Variants in GRIN2A observed in about 807,000 individuals in gnomAD.
GRIN2A encodes the protein glutamate receptor ionotropic, NMDA 2A.
In GRIN2A, 22 loss-of-function variants were observed where a neutral mutation model predicts 113.4. The observed-to-expected ratio is 0.19, with a 90% CI of 0.14 to 0.28. GRIN2A has a LOEUF of 0.28. Among genes scored for constraint, GRIN2A ranks in the 10% least tolerant of loss-of-function variants. The pLI, the probability that GRIN2A is intolerant of heterozygous loss-of-function variation, is 1.00. For missense variants in GRIN2A, 1,502 were observed against 1,887.0 expected (o/e 0.80, Z 3.78); for synonymous variants, 827 against 738.4 (o/e 1.12, Z -1.94).
At chr16:9,966,056 C>G (rs1021327547) in intron 2 of GRIN2A, among the ~76,000 whole-genome samples, 1 of 152,176 alleles carries the variant, frequency 6.6e-6, no homozygotes, top group Non-Finnish European at 1.5e-5. Flanking sequence ...TCCCAAGGTT[C>G]GAGAATCCTT....
At chr16:9,927,759 G>C (rs1333699919) in intron 3 of GRIN2A, among the ~76,000 whole-genome samples, 2 of 152,150 alleles carry the variant, frequency 1.3e-5, no homozygotes, top group Admixed American at 1.3e-4. Context: ...GAAACTTGAA[G>C]TTTCCCCACT....
intron 2 of GRIN2A, among the ~76,000 whole-genome samples, chr16:10,048,881 C>G (rs2047306584): frequency 6.6e-6 from 1 of 152,152 alleles, no homozygotes; most frequent in African/African-American, 2.4e-5. Flanking sequence ...GGGATCAGTG[C>G]AAGCTCCAGG....
intron 2 of GRIN2A, among the ~76,000 whole-genome samples, chr16:10,109,195 T>C (rs571253040): frequency 2.6e-5 from 4 of 152,106 alleles, no homozygotes; most frequent in Admixed American, 6.5e-5. Flanking sequence ...CCTGGAAAGA[T>C]ACAAATTACC....
intron 2 of GRIN2A, among the ~76,000 whole-genome samples, chr16:9,987,777 C>T (rs1287397485): frequency 6.6e-6 from 1 of 152,156 alleles, no homozygotes; most frequent in Non-Finnish European, 1.5e-5. Context: ...GAACTCAGAT[C>T]TGAACCAGGT....
intron 2 of GRIN2A, among the ~76,000 whole-genome samples, chr16:10,178,561 C>A (rs1187457338): frequency 4.6e-5 from 7 of 152,234 alleles, no homozygotes; most frequent in Non-Finnish European, 8.8e-5. Flanking sequence ...TCTTCCCAGA[C>A]AGGAGCCCCC....
chr16:9,908,444 T>A (rs999187832), intron 3 of GRIN2A, among the ~76,000 whole-genome samples: 4 of 152,120 alleles, frequency 2.6e-5, no homozygotes, highest in African/African-American at 9.7e-5. Context: ...TTCTTCCAGT[T>A]TTTTTTCCCA....
intron 4 of GRIN2A, among the ~76,000 whole-genome samples, chr16:9,855,101 C>T (rs960841150): frequency 6.6e-6 from 1 of 151,868 alleles, no homozygotes. Context: ...GCTACAGAAC[C>T]CCTCTCTTCT....
At chr16:10,129,106 C>T (rs572316518) in intron 2 of GRIN2A, among the ~76,000 whole-genome samples, 4 of 152,150 alleles carry the variant, frequency 2.6e-5, no homozygotes, top group Admixed American at 2.0e-4. Context: ...AACAGGGTCT[C>T]GCTCTGTTGC....
At chr16:9,995,237 A>T (rs751947384) in intron 2 of GRIN2A, among the ~76,000 whole-genome samples, 4 of 152,232 alleles carry the variant, frequency 2.6e-5, no homozygotes, top group Non-Finnish European at 4.4e-5. Flanking sequence ...GGTTTGGAAA[A>T]GGGAAGAGGG....
intron 2 of GRIN2A, among the ~76,000 whole-genome samples, chr16:10,011,098 C>T (rs1029258752): frequency 6.6e-6 from 1 of 152,222 alleles, no homozygotes; most frequent in Non-Finnish European, 1.5e-5. Flanking sequence ...GGGAAGAATA[C>T]TTATCTACCT....
In GRIN2A at chr16:9,761,700, CTCTCTG is replaced by C. The variant is rs890025399; in HGVS notation, c.*1443_*1448del. On this transcript the variant is annotated 3_prime_UTR_variant, in exon 13 of 13. Coordinates refer to ENST00000330684, the MANE Select transcript of GRIN2A (RefSeq NM_001134407.3). ...AGGCTCCCCATGCATAAGTATTCCC[CTCTCTG>C]TCTCTAACTTAAAAAAAAAATGGAT... 12 of 225,530 alleles carry C rather than the reference CTCTCTG, an allele frequency of 5.3e-5. No individual in the cohort carries two copies. The highest frequency in any genetic ancestry group is 1.1e-4 in the Non-Finnish European group (12 of 113,348). 14.0% of individuals were successfully genotyped at this position (225,530 alleles called of 1,614,324 possible).
intron 2 of GRIN2A, among the ~76,000 whole-genome samples, chr16:9,955,468 T>C (rs758485756): frequency 6.6e-6 from 1 of 152,248 alleles, no homozygotes; most frequent in Non-Finnish European, 1.5e-5. Context: ...CTCTTTCTTG[T>C]ATTAGGTTAG....
intron 2 of GRIN2A, chr16:10,111,358 C>T (rs1461732305): frequency 1.9e-5 from 8 of 426,432 alleles, no homozygotes; most frequent in East Asian, 5.3e-5. Context: ...GGGTGTTTGT[C>T]GCTTCGCGGG....
At chr16:9,942,181 G>A (rs2044896826) in intron 2 of GRIN2A, among the ~76,000 whole-genome samples, 1 of 152,104 alleles carries the variant, frequency 6.6e-6, no homozygotes, top group African/African-American at 2.4e-5. Flanking sequence ...AGAGCTGCCT[G>A]GTTGAAACTC....
intron 2 of GRIN2A, among the ~76,000 whole-genome samples, chr16:10,002,542 G>A (rs1018079411): frequency 1.3e-5 from 2 of 152,168 alleles, no homozygotes; most frequent in African/African-American, 4.8e-5. Flanking sequence ...CTTCCTCACA[G>A]TAAGCCTGGA....
chr16:9,926,351 A>C (rs1177721078), intron 3 of GRIN2A, among the ~76,000 whole-genome samples: 1 of 152,210 alleles, frequency 6.6e-6, no homozygotes, highest in Non-Finnish European at 1.5e-5. Flanking sequence ...AAAAGATTAG[A>C]GGCGCCTCTC....
chr16:9,993,587 T>A (rs1317033760), intron 2 of GRIN2A, among the ~76,000 whole-genome samples: 1 of 152,026 alleles, frequency 6.6e-6, no homozygotes, highest in Non-Finnish European at 1.5e-5. Flanking sequence ...AATAAATCTG[T>A]TTTATTTTGT....
intron 2 of GRIN2A, among the ~76,000 whole-genome samples, chr16:10,105,725 G>A (rs1258030583): frequency 6.6e-6 from 1 of 151,954 alleles, no homozygotes; most frequent in Non-Finnish European, 1.5e-5. Flanking sequence ...TGGCCAACAC[G>A]GTGAAACCCC....
chr16:9,774,317 C>T (rs999896256), intron 11 of GRIN2A, among the ~76,000 whole-genome samples: 1 of 152,108 alleles, frequency 6.6e-6, no homozygotes, highest in Non-Finnish European at 1.5e-5. Context: ...AAGGAAGCAC[C>T]CTTCCCTTAA....
Sources: allele counts gnomAD v4.1 joint callset (sites outside exome capture counted in the v4.1 genomes callset), GRCh38; gene constraint gnomAD v4.1.1; transcripts MANE v1.5; gene names NCBI Gene and HGNC (gene_info 2026-07-23, HGNC 2026-07-21).